The following NOL12 variants were observed in gnomAD, a reference collection of about 807,000 sequenced individuals.
The protein encoded by NOL12 is nucleolar protein 12.
Under a neutral mutation model 25.2 loss-of-function variants are expected in NOL12, and 21 were observed. That is an observed-to-expected ratio of 0.83 (90% confidence interval 0.59 to 1.20). NOL12 has a LOEUF of 1.20. Ranked by LOEUF, NOL12 falls within the 50% of genes most tolerant of loss-of-function variation. The pLI is 0.00. For missense variants in NOL12, 286 were observed against 287.6 expected, an observed-to-expected ratio of 0.99 and a Z score of 0.04; for synonymous variants, 133 against 113.8, an observed-to-expected ratio of 1.17 and a Z score of -1.08.
At chr22:37,687,459 G>A (rs1008346434) in intron 1 of NOL12, among the ~76,000 whole-genome samples, 9 of 152,132 alleles carry the variant, frequency 5.9e-5, no homozygotes, top group African/African-American at 2.2e-4. Context: ...AGGTTATTGT[G>A]AGGGTTTTTT....
At chr22:37,690,668 A>G in intron 4 of NOL12, 29 bp from the exon 5 acceptor site, 1 of 1,565,626 alleles carries the variant, frequency 6.4e-7, no homozygotes, top group Non-Finnish European at 8.8e-7. Context: ...CTACTGCTCC[A>G]TGTAAGTCAT....
In NOL12 at chr22:37,690,754, G is replaced by A. The variant is rs776261623; in HGVS notation, c.439G>A (p.Ala147Thr). ...EASSTEKPTK[A>T]LPRKSRDPLL... is the part of the protein sequence containing the mutation. The stretch of plus-strand genomic sequence containing the variant: ...GTCATCCACGGAGAAACCAACCAAA[G>A]CCTTGCCCAGGAAGTCCAGAGACCC... The change falls in exon 5 of 6, where the codon GCC (alanine) becomes ACC (threonine). Residue 147 changes from alanine (A) to threonine (T), a missense_variant. Transcript: ENST00000359114. The A allele has an allele frequency of 6.2e-7, 1 of 1,614,016 alleles. No individual in the cohort carries two copies. Among genetic ancestry groups the A allele is most frequent in the Admixed American group, 1.7e-5 (1 of 60,006 alleles).
At chr22:37,689,476 G>T (rs1921971970) in intron 4 of NOL12, among the ~76,000 whole-genome samples, 1 of 152,044 alleles carries the variant, frequency 6.6e-6, no homozygotes, top group African/African-American at 2.4e-5. Flanking sequence ...GCACGTCTGT[G>T]TGCACTAAGT....
intron 4 of NOL12, among the ~76,000 whole-genome samples, chr22:37,690,307 G>C (rs1195583882): frequency 6.6e-6 from 1 of 152,238 alleles, no homozygotes; most frequent in African/African-American, 2.4e-5. Context: ...TCCAGCCTGG[G>C]TGACAGAGCG....
Sources: allele counts gnomAD v4.1 joint callset (sites outside exome capture counted in the v4.1 genomes callset), GRCh38; gene constraint gnomAD v4.1.1; transcripts MANE v1.5; gene names NCBI Gene and HGNC (gene_info 2026-07-23, HGNC 2026-07-21).